The following HSPA4 variants were observed in gnomAD, a reference collection of about 807,000 sequenced individuals.
HSPA4 encodes the protein heat shock protein family A (Hsp70) member 4.
HSPA4 carries 25 observed loss-of-function variants against 106.2 expected under a neutral mutation model. The ratio of observed to expected loss-of-function variants is 0.24; its 90% CI spans 0.17 to 0.33. HSPA4 has a LOEUF of 0.33. Among genes scored for constraint, HSPA4 ranks in the 10% least tolerant of loss-of-function variants. HSPA4 has a pLI of 1.00. For missense variants in HSPA4, 841 were observed against 996.0 expected (o/e 0.84, Z 2.10); for synonymous variants, 332 against 333.6 (o/e 1.00, Z 0.05).
At chr5:133,057,586 C>G (rs1280815776) in intron 1 of HSPA4, among the ~76,000 whole-genome samples, 1 of 152,154 alleles carries the variant, frequency 6.6e-6, no homozygotes, top group Admixed American at 6.5e-5. Context: ...TGCAGCTGTT[C>G]ATAATATCCT....
chr5:133,105,426 A>C lies in HSPA4; in HGVS notation c.*990A>C, dbSNP rs1195186983. 6.6e-6 allele frequency: 1 copy of C among 151,508 alleles called. No homozygotes were observed. Among genetic ancestry groups the C allele is most frequent in the Non-Finnish European group, 1.5e-5 (1 of 67,828 alleles). 9.4% of individuals were successfully genotyped at this position (151,508 alleles called of 1,614,324 possible). ...GTGTTAAGCAGCTGACAGATGATGC[A>C]AAAAAAACTAAGATACACTGGATTG... On this transcript the variant is annotated 3_prime_UTR_variant, in exon 19 of 19. Coordinates refer to ENST00000304858, the MANE Select transcript of HSPA4 (RefSeq NM_002154.4).
In HSPA4 at chr5:133,075,430, C is replaced by T. The variant is rs148481137; in HGVS notation, c.664-1224C>T. ...ACCTGTCACCTGTCAGTTTTGCAAT[C>T]CTTTTGATTACTTTTAAATTATAAA... On this transcript the variant is annotated intron_variant, in intron 6 of 18. Transcript: ENST00000304858. Among the ~76,000 whole-genome samples the T allele has an allele frequency of 2.9e-3, 436 of 152,232 alleles. 3 individuals are homozygous for T. Among genetic ancestry groups the T allele is most frequent in the African/African-American group, 9.9e-3 (410 of 41,544 alleles).
rs553712217 is a variant in HSPA4, at chr5:133,052,188, C to A, written c.-63C>A. ...CCTGCTTTCCACTCGCTAGCCCCGC[C>A]GGGGGTCCGTGTCCTGTCTCGGTGG... is the stretch of plus-strand genomic sequence containing the variant. On this transcript the variant is annotated 5_prime_UTR_variant, in exon 1 of 19. Transcript: ENST00000304858. 64 of 1,158,948 alleles carry A rather than the reference C, an allele frequency of 5.5e-5. No individual in the cohort carries two copies. In the South Asian group the frequency reaches 6.8e-4, roughly 12 times the overall value. The allele number at this position is 1,158,948 out of a possible 1,614,324, so 71.8% of individuals were successfully genotyped here.
At chr5:133,073,561 G>C (rs1765411266) in intron 5 of HSPA4, among the ~76,000 whole-genome samples, 1 of 152,202 alleles carries the variant, frequency 6.6e-6, no homozygotes. Flanking sequence ...GCTTGTTGGG[G>C]AAGGAGAACA....
At chr5:133,091,412 A>C in intron 12 of HSPA4, 38 bp downstream of exon 12, 1 of 1,504,462 alleles carries the variant, frequency 6.6e-7, no homozygotes, top group Non-Finnish European at 9.1e-7. Context: ...GATGGCCCAG[A>C]GGTGACTTGT....
chr5:133,070,400 T>A lies in HSPA4; in HGVS notation c.333T>A (p.Asn111Lys). 6.2e-7 allele frequency: 1 copy of A among 1,611,172 alleles called. No individual in the cohort carries two copies. Among genetic ancestry groups the A allele is most frequent in the Non-Finnish European group, 8.5e-7 (1 of 1,179,262 alleles). ...IKVTYMEEER[N>K]FTTEQVTAML... The stretch of plus-strand genomic sequence containing the variant: ...TGACATATATGGAGGAAGAGCGAAA[T>A]TTTACCACTGAGCAAGTGACTGCCA... Residue 111 changes from asparagine (N) to lysine (K), a missense_variant, in exon 4 of 19, where the codon AAT becomes AAA. Physicochemically the swap from Asn to Lys is moderately conservative, Grantham distance 94. This residue lies in a region of HSPA4 where 347 missense variants were observed against 408.7 expected (regional missense o/e 0.85). Transcript: ENST00000304858.
At chr5:133,081,794 G>A (rs894431966) in intron 7 of HSPA4, among the ~76,000 whole-genome samples, 4 of 152,156 alleles carry the variant, frequency 2.6e-5, no homozygotes, top group African/African-American at 9.7e-5. Flanking sequence ...AAGCCCAGGA[G>A]ATGGAGGCTT....
intron 4 of HSPA4, among the ~76,000 whole-genome samples, chr5:133,072,186 G>A (rs1765390282): frequency 6.6e-6 from 1 of 152,096 alleles, no homozygotes; most frequent in Non-Finnish European, 1.5e-5. Flanking sequence ...GGGCCCTAGC[G>A]TATAGCTATT....
At chr5:133,053,032 C>G (rs1320573477) in intron 1 of HSPA4, 1 of 152,256 alleles carries the variant, frequency 6.6e-6, no homozygotes, top group South Asian at 2.1e-4. Context: ...TTGGGTCACT[C>G]TCTGTTTTGT....
At chr5:133,069,253 A>C (rs1765350971) in intron 3 of HSPA4, among the ~76,000 whole-genome samples, 1 of 151,754 alleles carries the variant, frequency 6.6e-6, no homozygotes, top group Non-Finnish European at 1.5e-5. Flanking sequence ...ACTTATTTAA[A>C]ATTTTTTTTT....
chr5:133,089,582 A>G lies in HSPA4; in HGVS notation c.1265A>G (p.Lys422Arg). The G allele has an allele frequency of 6.2e-7, 1 of 1,613,348 alleles. No homozygotes were observed. Among genetic ancestry groups the G allele is most frequent in the Non-Finnish European group, 8.5e-7 (1 of 1,179,638 alleles). Reference protein sequence around the residue: ...EGSSDCEVFSKNHAAPFSKVL... With the variant: ...EGSSDCEVFSRNHAAPFSKVL... ...TTCAGTGACTGTGAAGTCTTTTCCA[A>G]AAATCATGCTGCTCCTTTCTCTAAA... is the stretch of plus-strand genomic sequence containing the variant. Residue 422 changes from lysine to arginine, a missense_variant, in exon 11 of 19, where the codon AAA becomes AGA. Lys to Arg is a conservative substitution (Grantham distance 26). Transcript: ENST00000304858.
At chr5:133,070,049 C>G (rs187265576) in intron 3 of HSPA4, among the ~76,000 whole-genome samples, 1 of 152,098 alleles carries the variant, frequency 6.6e-6, no homozygotes, top group East Asian at 1.9e-4. Context: ...TGCTTTTGCT[C>G]CCCGCTACTT....
rs191832680 is a variant in HSPA4 at position 133,105,466 on chromosome 5, G to C, written c.*1030G>C. On this transcript the variant is annotated 3_prime_UTR_variant, in exon 19 of 19. Coordinates refer to ENST00000304858, the MANE Select transcript of HSPA4 (RefSeq NM_002154.4). ...ACACTGGATTGTACTGGATGAGTCT[G>C]AAATTAGTGTTAAAGAAGTGTGGTG... The C allele has an allele frequency of 1.6e-4, 24 of 152,328 alleles. No individual in the cohort carries two copies. The highest frequency in any genetic ancestry group is 5.1e-4 in the African/African-American group (21 of 41,568). 9.4% of individuals were successfully genotyped at this position (152,328 alleles called of 1,614,324 possible). A position where few individuals can be genotyped will look rare whatever the true frequency, so the allele number is the denominator to read the frequency against.
chr5:133,077,285 C>A (rs1421160133), intron 7 of HSPA4, among the ~76,000 whole-genome samples: 1 of 152,034 alleles, frequency 6.6e-6, no homozygotes, highest in Non-Finnish European at 1.5e-5. Context: ...TTTGCCCAGG[C>A]TGGAGTAAAG....
At chr5:133,081,354 A>G (rs1765513306) in intron 7 of HSPA4, among the ~76,000 whole-genome samples, 1 of 152,134 alleles carries the variant, frequency 6.6e-6, no homozygotes, top group South Asian at 2.1e-4. Flanking sequence ...TTTTTGTGAA[A>G]TATTTTAAAA....
At position 133,078,869 on chromosome 5, in the gene HSPA4, G is replaced by A. The variant is rs144110853; in HGVS notation, c.908+1971G>A. ...CTGCCTCAGTCTCCTGAGTAGCTGG[G>A]ACTACAGGCACGTGCCACCACGCCT... On this transcript the variant is annotated intron_variant, in intron 7 of 18. Transcript: ENST00000304858. Among the ~76,000 whole-genome samples the A allele has an allele frequency of 5.3e-3, 801 of 151,944 alleles. 5 individuals carry two copies. Among genetic ancestry groups the A allele is most frequent in the Middle Eastern group, 0.01 (3 of 294 alleles).
At chr5:133,087,020 A>G (rs1001850256) in intron 8 of HSPA4, among the ~76,000 whole-genome samples, 162 bp downstream of exon 8, 1 of 152,178 alleles carries the variant, frequency 6.6e-6, no homozygotes, top group African/African-American at 2.4e-5. Context: ...CCCCTGCCCA[A>G]AGTAATCTTT....
intron 17 of HSPA4, among the ~76,000 whole-genome samples, chr5:133,102,853 C>T (rs1408626262): frequency 6.7e-6 from 1 of 149,996 alleles, no homozygotes; most frequent in Admixed American, 6.6e-5. Flanking sequence ...TCTCCTGCCT[C>T]AGCTACTTTC....
Position 133,097,180 on chromosome 5 carries a change from A to G in HSPA4, c.1823A>G (p.Asp608Gly). The change falls in exon 15 of 19, where the codon GAT becomes GGT. Residue 608 changes from aspartate to glycine, a missense_variant. This residue lies in a region of HSPA4 where 328 missense variants were observed against 372.2 expected (regional missense o/e 0.88). Coordinates refer to ENST00000304858, the MANE Select transcript of HSPA4 (RefSeq NM_002154.4). ...IENEGKMIMQ[D>G]KLEKERNDAK... ...TCTCAGGGTAAGATGATCATGCAGGATAAACTGGAGAAGGAGCGGAATGAT... is the reference window on the plus strand; with the variant it reads ...TCTCAGGGTAAGATGATCATGCAGGGTAAACTGGAGAAGGAGCGGAATGAT... The G allele has an allele frequency of 6.2e-7, 1 of 1,611,528 alleles. No homozygotes were observed. Among genetic ancestry groups the G allele is most frequent in the Non-Finnish European group, 8.5e-7 (1 of 1,177,836 alleles).
Sources: gnomAD v4.1 joint callset for allele counts (sites outside exome capture counted in the v4.1 genomes callset) on GRCh38, gnomAD v4.1.1 for gene constraint, gnomAD v4.1.1 regional missense constraint, MANE v1.5 for transcripts, NCBI Gene and HGNC (gene_info 2026-07-23, HGNC 2026-07-21) for gene names.